Variants in HSD17B12 observed in about 807,000 individuals in gnomAD.
HSD17B12 encodes the protein very-long-chain 3-oxoacyl-CoA reductase.
In HSD17B12, 32 loss-of-function variants were observed where a neutral mutation model predicts 39.3. That is an observed-to-expected ratio of 0.81 (90% CI 0.61 to 1.09). HSD17B12 has a LOEUF of 1.09. HSD17B12 is among the 50% of genes least tolerant of loss of function. The pLI, the probability that HSD17B12 is intolerant of heterozygous loss-of-function variation, is 0.00. For missense variants in HSD17B12, 342 were observed against 382.9 expected (o/e 0.89, Z 0.89); for synonymous variants, 150 against 146.7 (o/e 1.02, Z -0.16).
chr11:43,840,194 A>G (rs1237350253), intron 9 of HSD17B12, 130 bp downstream of exon 9: 8 of 680,246 alleles, frequency 1.2e-5, no homozygotes, highest in African/African-American at 1.9e-5. Context: ...ACACCATTAA[A>G]AACGTGGTTT....
chr11:43,838,259 C>T, intron 7 of HSD17B12, 58 bp from the exon 8 acceptor site: 1 of 1,139,242 alleles, frequency 8.8e-7, no homozygotes, highest in Non-Finnish European at 1.3e-6. Context: ...ATCTGTAATT[C>T]ACAAACAACT....
chr11:43,824,508 C>T (rs1219458994), intron 6 of HSD17B12, among the ~76,000 whole-genome samples: 3 of 152,134 alleles, frequency 2.0e-5, no homozygotes, highest in Non-Finnish European at 2.9e-5. Flanking sequence ...GTGAGGACCC[C>T]ATTCTTCATA....
chr11:43,780,331 A>G (rs2135008790), intron 3 of HSD17B12, among the ~76,000 whole-genome samples: 1 of 152,118 alleles, frequency 6.6e-6, no homozygotes, highest in East Asian at 1.9e-4. Context: ...ATGCCAGGCT[A>G]ATTTTTTTAT....
At chr11:43,824,104 CT>C (rs1332784593) in intron 6 of HSD17B12, among the ~76,000 whole-genome samples, 1 of 152,124 alleles carries the variant, frequency 6.6e-6, no homozygotes, top group African/African-American at 2.4e-5. Flanking sequence ...ACCTGAATTA[CT>C]ACATGGCAGC....
At chr11:43,670,762 G>A in the HSD17B12 span, among the ~76,000 whole-genome samples, 1 of 152,136 alleles carries the variant, frequency 6.6e-6, no homozygotes, top group Non-Finnish European at 1.5e-5. Flanking sequence ...CTGTGTGCCT[G>A]TAGTCCTAGC....
chr11:43,825,755 A>G (rs531768644), intron 6 of HSD17B12, among the ~76,000 whole-genome samples: 7 of 152,360 alleles, frequency 4.6e-5, no homozygotes, highest in African/African-American at 1.7e-4. Context: ...TGCTTCAGGC[A>G]TAACTACAAA....
At chr11:43,583,682 G>T in the HSD17B12 span, among the ~76,000 whole-genome samples, 6 of 150,582 alleles carry the variant, frequency 4.0e-5, no homozygotes, top group Non-Finnish European at 7.4e-5. Flanking sequence ...GGGCAAAGTG[G>T]GGGGGGGTGC....
the HSD17B12 span, among the ~76,000 whole-genome samples, chr11:43,574,829 T>C: frequency 6.6e-6 from 1 of 152,230 alleles, no homozygotes; most frequent in Non-Finnish European, 1.5e-5. Context: ...AAAGTCCTGA[T>C]AATGTCGCTG....
the HSD17B12 span, among the ~76,000 whole-genome samples, chr11:43,619,215 AATATATATATATG>A: frequency 4.5e-5 from 3 of 67,316 alleles, no homozygotes; most frequent in South Asian, 5.3e-4. Flanking sequence ...ATATATATAA[AATATATATATATG>A]ATATATATAT....
the HSD17B12 span, among the ~76,000 whole-genome samples, chr11:43,632,053 C>A: frequency 6.6e-6 from 1 of 152,134 alleles, no homozygotes; most frequent in Non-Finnish European, 1.5e-5. Context: ...CATTTTTCTT[C>A]TAAAAAGTTG....
chr11:43,854,732 C>T lies in HSD17B12; in HGVS notation c.702C>T (p.Phe234=), dbSNP rs574266495. 4.3e-6 allele frequency: 7 copies of T among 1,613,896 alleles called. No homozygotes were observed. Among genetic ancestry groups the T allele is most frequent in the African/African-American group, 2.7e-5 (2 of 75,036 alleles). The stretch of plus-strand genomic sequence containing the variant: ...CTTTCTAGAGTGTCCTGCCATACTT[C>T]GTAGCTACAAAACTGGCTAAAATCC... The part of the protein sequence containing the change: ...GVFVQSVLPY[F]VATKLAKIRK... The change falls in exon 10 of 11, where the codon TTC becomes TTT. Residue 234 remains phenylalanine (F), a synonymous_variant. Transcript: ENST00000278353.
intron 1 of HSD17B12, among the ~76,000 whole-genome samples, chr11:43,684,311 GGTCAGTGTAGCAAGTAATCAAAA>G (rs1282846206): frequency 6.6e-6 from 1 of 152,200 alleles, no homozygotes; most frequent in Non-Finnish European, 1.5e-5. Context: ...GGTGTTTGAA[GGTCAGTGTAGCAAGTAATCAAAA>G]AAAGATTGAT....
intron 1 of HSD17B12, among the ~76,000 whole-genome samples, chr11:43,722,833 G>GA (rs5791587): frequency 0.9 from 134,410 of 150,020 alleles, 60,602 homozygotes; most frequent in East Asian, 0.98. Flanking sequence ...TGGGCAACAA[G>GA]AAAAAAAAAA....
At chr11:43,829,497 A>G (rs1951286112) in intron 6 of HSD17B12, among the ~76,000 whole-genome samples, 1 of 152,218 alleles carries the variant, frequency 6.6e-6, no homozygotes, top group Non-Finnish European at 1.5e-5. Flanking sequence ...TAATATATAC[A>G]TGACATGCAT....
At chr11:43,708,653 G>A (rs1264324324) in intron 1 of HSD17B12, among the ~76,000 whole-genome samples, 1 of 152,164 alleles carries the variant, frequency 6.6e-6, no homozygotes, top group Non-Finnish European at 1.5e-5. Flanking sequence ...TGTTGAAAAA[G>A]ATAATTTCTA....
At chr11:43,706,954 AT>A (rs1950022075) in intron 1 of HSD17B12, among the ~76,000 whole-genome samples, 1 of 152,092 alleles carries the variant, frequency 6.6e-6, no homozygotes, top group Non-Finnish European at 1.5e-5. Context: ...TTTTTGTTAT[AT>A]TTTTATATTA....
At chr11:43,656,885 G>A in the HSD17B12 span, among the ~76,000 whole-genome samples, 1 of 152,170 alleles carries the variant, frequency 6.6e-6, no homozygotes, top group African/African-American at 2.4e-5. Flanking sequence ...CTGTTGATTT[G>A]GGATGGAGAG....
At chr11:43,659,563 A>C in the HSD17B12 span, among the ~76,000 whole-genome samples, 1 of 152,180 alleles carries the variant, frequency 6.6e-6, no homozygotes, top group Admixed American at 6.5e-5. Context: ...AAAATTTCTT[A>C]GATAATACAT....
At chr11:43,597,066 A>G in the HSD17B12 span, among the ~76,000 whole-genome samples, 7 of 152,250 alleles carry the variant, frequency 4.6e-5, no homozygotes, top group East Asian at 3.8e-4. Context: ...CTTACCACCT[A>G]TTAGGACAGA....
Sources: allele counts gnomAD v4.1 joint callset (sites outside exome capture counted in the v4.1 genomes callset), GRCh38; gene constraint gnomAD v4.1.1; transcripts MANE v1.5; gene names NCBI Gene and HGNC (gene_info 2026-07-23, HGNC 2026-07-21).